Variants in RNF125 observed in about 807,000 individuals in gnomAD.
RNF125 encodes the protein ring finger protein 125.
Under a neutral mutation model 26.0 loss-of-function variants are expected in RNF125, and 21 were observed. The ratio of observed to expected loss-of-function variants is 0.81; its 90% confidence interval spans 0.57 to 1.16. The LOEUF is 1.16. Ranked by LOEUF, RNF125 falls within the 50% of genes most tolerant of loss-of-function variation. The pLI, the probability that RNF125 is intolerant of heterozygous loss-of-function variation, is 0.00. For synonymous variants in RNF125, 95 were observed against 109.2 expected, an observed-to-expected ratio of 0.87 and a Z score of 0.81; for missense variants, 270 against 299.4, an observed-to-expected ratio of 0.90 and a Z score of 0.72.
At chr18:32,041,620 CTTTTTT>C (rs60264747) in intron 2 of RNF125, among the ~76,000 whole-genome samples, 3,181 of 93,216 alleles carry the variant, frequency 0.034, 598 homozygotes, top group African/African-American at 0.12. Context: ...AATGTAGATG[CTTTTTT>C]TTTTTTTTTT....
chr18:32,050,931 A>G (rs1334102896), intron 4 of RNF125, among the ~76,000 whole-genome samples: 2 of 108,442 alleles, frequency 1.8e-5, no homozygotes, highest in Non-Finnish European at 3.4e-5. Context: ...CATGTTGCCC[A>G]GGCTGAGTCT....
chr18:32,043,139 ACT>A (rs111400691), intron 3 of RNF125, among the ~76,000 whole-genome samples: 22,566 of 151,528 alleles, frequency 0.15, 1,733 homozygotes, highest in Middle Eastern at 0.23. Flanking sequence ...ACAGAGCGAG[ACT>A]CTGTCTCAAA....
intron 1 of RNF125, among the ~76,000 whole-genome samples, chr18:32,025,478 A>G (rs2039023999): frequency 6.6e-6 from 1 of 151,968 alleles, no homozygotes; most frequent in South Asian, 2.1e-4. Context: ...AGCCTGCCCA[A>G]CATGGCGAAA....
rs369051225 is a variant in RNF125 at position 32,040,155 on chromosome 18, G to A, written c.319-2024G>A. On this transcript the variant is annotated intron_variant, in intron 2 of 5. Transcript: ENST00000217740. Reference sequence around the variant, plus strand: ...TAGGAATGCTCCCCATTCCTTCTACGCACATTTTGCCCTCTCCATGTTGCA... The same window carrying A: ...TAGGAATGCTCCCCATTCCTTCTACACACATTTTGCCCTCTCCATGTTGCA... 3.3e-5 allele frequency among the ~76,000 whole-genome samples: 5 copies of A among 151,600 alleles called. No homozygotes were observed. In the East Asian group the frequency reaches 5.8e-4, roughly 18 times the overall value.
At chr18:32,076,324 G>T (rs1346986591), downstream of RNF125, 8 of 270,270 alleles carry the variant, frequency 3.0e-5, no homozygotes, top group East Asian at 9.2e-5. Flanking sequence ...TTGTTTTTTT[G>T]TTTTTTTTTT....
At position 32,069,597 on chromosome 18, in the gene RNF125, G is replaced by A. The variant is rs1357111714; in HGVS notation, c.*1213G>A. The A allele has an allele frequency of 6.6e-6, 1 of 152,064 alleles. No homozygotes were observed. The highest frequency in any genetic ancestry group is 1.5e-5 in the Non-Finnish European group (1 of 68,020). The allele number at this position is 152,064 out of a possible 1,614,324, so 9.4% of individuals were successfully genotyped here. ...GCCAGTCACCCCACGTGTCCTTTTT[G>A]TGTCCTGTCACAATTACAACCCCAC... On this transcript the variant is annotated 3_prime_UTR_variant, in exon 6 of 6. Coordinates refer to ENST00000217740, the MANE Select transcript of RNF125 (RefSeq NM_017831.4).
At chr18:32,034,371 C>T (rs1189217836) in intron 1 of RNF125, among the ~76,000 whole-genome samples, 1 of 152,106 alleles carries the variant, frequency 6.6e-6, no homozygotes, top group Non-Finnish European at 1.5e-5. Context: ...GGACATAAGC[C>T]CTGGGTAAGG....
At chr18:32,042,875 G>T (rs1418693717) in intron 3 of RNF125, among the ~76,000 whole-genome samples, 1 of 151,624 alleles carries the variant, frequency 6.6e-6, no homozygotes, top group East Asian at 1.9e-4. Context: ...TTCGTGGGGT[G>T]TGGTGGCTCA....
At chr18:32,055,768 G>T (rs537700238) in intron 4 of RNF125, among the ~76,000 whole-genome samples, 1 of 151,906 alleles carries the variant, frequency 6.6e-6, no homozygotes, top group South Asian at 2.1e-4. Flanking sequence ...ATCACCTGAG[G>T]TGGGTAGTTT....
chr18:32,054,361 G>A lies in RNF125; in HGVS notation c.504+8629G>A, dbSNP rs1480077464. Among the ~76,000 whole-genome samples, 6 of 152,112 alleles carry A rather than the reference G, an allele frequency of 3.9e-5. 1 individual carries two copies. The highest frequency in any genetic ancestry group is 6.5e-5 in the Admixed American group (1 of 15,272). On this transcript the variant is annotated intron_variant, in intron 4 of 5. Coordinates refer to ENST00000217740, the MANE Select transcript of RNF125 (RefSeq NM_017831.4). The stretch of plus-strand genomic sequence containing the variant: ...TCCCGCTGTGGCCTCCCAAAGTGCC[G>A]CGATTACCGGCATGAGCCACCGCAT...
chr18:32,051,721 A>T (rs1162757017), intron 4 of RNF125, among the ~76,000 whole-genome samples: 1 of 131,318 alleles, frequency 7.6e-6, no homozygotes, highest in Non-Finnish European at 1.6e-5. Context: ...TTTGAGATAG[A>T]GTCTTGCTCT....
At chr18:32,039,941 G>A (rs770341222) in intron 2 of RNF125, among the ~76,000 whole-genome samples, 1 of 151,820 alleles carries the variant, frequency 6.6e-6, no homozygotes, top group African/African-American at 2.4e-5. Context: ...CACTATGCCC[G>A]GCTAATTTTT....
intron 1 of RNF125, among the ~76,000 whole-genome samples, chr18:32,024,003 C>T (rs1046916660): frequency 6.6e-6 from 1 of 152,150 alleles, no homozygotes; most frequent in Non-Finnish European, 1.5e-5. Context: ...TTTCAGTCAG[C>T]TTTGACCACA....
At chr18:32,028,541 G>A (rs2039062002) in intron 1 of RNF125, among the ~76,000 whole-genome samples, 1 of 150,662 alleles carries the variant, frequency 6.6e-6, no homozygotes, top group South Asian at 2.1e-4. Context: ...TAGCCATCTC[G>A]AAGTATGTCA....
At chr18:32,036,632 G>A (rs1329537896) in intron 1 of RNF125, among the ~76,000 whole-genome samples, 1 of 122,536 alleles carries the variant, frequency 8.2e-6, no homozygotes, top group African/African-American at 3.1e-5. Context: ...GGAGAGGGGA[G>A]GGAGGGAGGG....
chr18:32,057,911 T>A (rs1345733921), intron 4 of RNF125, among the ~76,000 whole-genome samples: 1 of 152,068 alleles, frequency 6.6e-6, no homozygotes, highest in Non-Finnish European at 1.5e-5. Context: ...TCTAACAAGT[T>A]ACCAGATGGT....
intron 1 of RNF125, among the ~76,000 whole-genome samples, chr18:32,025,348 C>CT (rs74312521): frequency 0.052 from 7,977 of 152,056 alleles, 317 homozygotes; most frequent in East Asian, 0.22. Flanking sequence ...CCCATGGCTT[C>CT]TGTGGCTCAG....
At chr18:32,029,477 AAAGCT>A (rs2039071372) in intron 1 of RNF125, among the ~76,000 whole-genome samples, 1 of 151,476 alleles carries the variant, frequency 6.6e-6, no homozygotes, top group Non-Finnish European at 1.5e-5. Flanking sequence ...AAAAAAAAAA[AAAGCT>A]GGGCATGGTG....
chr18:32,088,383 G>C, the RNF125 span, among the ~76,000 whole-genome samples: 3 of 152,176 alleles, frequency 2.0e-5, no homozygotes, highest in Admixed American at 1.3e-4. Context: ...ACAGGATTTT[G>C]AAGGTTTGTA....
Sources: allele counts gnomAD v4.1 joint callset (sites outside exome capture counted in the v4.1 genomes callset), GRCh38; gene constraint gnomAD v4.1.1; transcripts MANE v1.5; gene names NCBI Gene and HGNC (gene_info 2026-07-23, HGNC 2026-07-21).